Variants in SRGAP3 observed in about 807,000 individuals in gnomAD.
SRGAP3 encodes SLIT-ROBO Rho GTPase activating protein 3, also known as SLIT-ROBO Rho GTPase-activating protein 3.
A neutral mutation model predicts 121.1 loss-of-function variants in SRGAP3; 39 were observed. That is an observed-to-expected ratio of 0.32 (90% CI 0.25 to 0.42). The LOEUF is 0.42. Among genes scored for constraint, SRGAP3 ranks in the 10% least tolerant of loss-of-function variants. SRGAP3 has a pLI of 1.00. For missense variants in SRGAP3, 1,213 were observed against 1,470.6 expected, an observed-to-expected ratio of 0.82 and a Z score of 2.86; for synonymous variants, 601 against 570.0, an observed-to-expected ratio of 1.05 and a Z score of -0.77.
At chr3:9,274,861 G>A (rs191759843) in intron 3 of SRGAP3, among the ~76,000 whole-genome samples, 1 of 152,258 alleles carries the variant, frequency 6.6e-6, no homozygotes, top group Admixed American at 6.5e-5. Context: ...TCTCTCCAAT[G>A]TCCAGCCATA....
chr3:9,031,693 A>G (rs1944490460), intron 12 of SRGAP3, among the ~76,000 whole-genome samples: 1 of 152,214 alleles, frequency 6.6e-6, no homozygotes, highest in South Asian at 2.1e-4. Context: ...TCTGAGGATC[A>G]CAAGTAGACA....
At chr3:9,038,489 C>T (rs1944874991) in intron 10 of SRGAP3, among the ~76,000 whole-genome samples, 1 of 152,216 alleles carries the variant, frequency 6.6e-6, no homozygotes, top group Non-Finnish European at 1.5e-5. Flanking sequence ...GTGATCACTT[C>T]TATGCCTCCC....
At chr3:9,244,162 G>C (rs1953744583) in intron 1 of SRGAP3, among the ~76,000 whole-genome samples, 1 of 152,100 alleles carries the variant, frequency 6.6e-6, no homozygotes, top group Admixed American at 6.5e-5. Flanking sequence ...GTTCGTTCTG[G>C]CTCTCGAAGT....
At chr3:9,124,360 G>C (rs1029423600) in intron 2 of SRGAP3, among the ~76,000 whole-genome samples, 1 of 152,218 alleles carries the variant, frequency 6.6e-6, no homozygotes, top group Non-Finnish European at 1.5e-5. Flanking sequence ...GATCGGGACA[G>C]GATGTCCTGA....
chr3:9,091,259 GTC>G (rs1406286050), intron 3 of SRGAP3, among the ~76,000 whole-genome samples: 1 of 151,886 alleles, frequency 6.6e-6, no homozygotes, highest in Non-Finnish European at 1.5e-5. Flanking sequence ...CCAGCCCCCT[GTC>G]TCTCTTTTCT....
chr3:9,104,719 G>A lies in SRGAP3; in HGVS notation c.384C>T (p.Leu128=), dbSNP rs772766152. 2.5e-6 allele frequency: 4 copies of A among 1,614,146 alleles called. No homozygotes were observed. The highest frequency in any genetic ancestry group is 3.4e-6 in the Non-Finnish European group (4 of 1,180,062). Residue 128 remains leucine (L), a synonymous_variant, in exon 3 of 22, where the codon CTC becomes CTT. Transcript: ENST00000383836. ...TGATGACATCCTCACTGATCTGGGA[G>A]AGGCGGACGATGACATTGTTCATGA... ...DIFMNNVIVR[L]SQISEDVIRL...
intron 1 of SRGAP3, among the ~76,000 whole-genome samples, chr3:9,172,093 CTTTTTTTTTT>C: frequency 1.1e-5 from 1 of 90,196 alleles, no homozygotes; most frequent in South Asian, 3.7e-4. Flanking sequence ...TTTTTCTTTT[CTTTTTTTTTT>C]TTTTTTTTGA....
intron 3 of SRGAP3, among the ~76,000 whole-genome samples, chr3:9,291,497 T>C (rs1954868343): frequency 6.6e-6 from 1 of 152,116 alleles, no homozygotes; most frequent in Non-Finnish European, 1.5e-5. Context: ...ACTTTTTTCC[T>C]TGCTCTTGTA....
At position 9,058,350 on chromosome 3, in the gene SRGAP3, G is replaced by A. The variant is rs573280786; in HGVS notation, c.924C>T (p.Asn308=). 63 of 1,614,240 alleles carry A rather than the reference G, an allele frequency of 3.9e-5. No homozygotes were observed. The Middle Eastern group carries it at 6.6e-4, about 17-fold the overall frequency. ...TGTGCTTGTCACTTCGGGAATCCAG[G>A]TTGTCCACTGCATTCTCAATGACAT... is the stretch of plus-strand genomic sequence containing the variant. ...GLDVIENAVD[N]LDSRSDKHTV... Residue 308 remains asparagine (N), a synonymous_variant, in exon 7 of 22, where the codon AAC becomes AAT. Coordinates refer to ENST00000383836, the MANE Select transcript of SRGAP3 (RefSeq NM_014850.4).
Position 9,009,791 on chromosome 3 carries a change from G to A in SRGAP3, c.2227+517C>T, listed in dbSNP as rs73813249. Among the ~76,000 whole-genome samples, 621 of 152,208 alleles carry A rather than the reference G, an allele frequency of 4.1e-3. 6 individuals carry two copies. The highest frequency in any genetic ancestry group is 0.015 in the African/African-American group (604 of 41,520). ...TCATCACCCTTTGATTTCATCTCCAGGGTGCCCAATGCACCAGACACACCT... is the reference window on the plus strand; with the variant it reads ...TCATCACCCTTTGATTTCATCTCCAAGGTGCCCAATGCACCAGACACACCT... On this transcript the variant is annotated intron_variant, in intron 18 of 21. Coordinates refer to ENST00000383836, the MANE Select transcript of SRGAP3 (RefSeq NM_014850.4).
At chr3:9,306,115 T>A (rs888868169) in intron 3 of SRGAP3, among the ~76,000 whole-genome samples, 1 of 152,266 alleles carries the variant, frequency 6.6e-6, no homozygotes, top group Non-Finnish European at 1.5e-5. Flanking sequence ...CCAAATGGCG[T>A]GAGATGGCAT....
rs376753283 is a variant in SRGAP3 at position 8,990,646 on chromosome 3, C to A, written c.2752G>T (p.Gly918Trp). Residue 918 changes from glycine to tryptophan, a missense_variant, in exon 21 of 22, where the codon GGG becomes TGG. Physicochemically the swap from Gly to Trp is radical, Grantham distance 184. Coordinates refer to ENST00000383836, the MANE Select transcript of SRGAP3 (RefSeq NM_014850.4). Reference protein sequence around the residue: ...SPEKRRMATFGSAGSINYPDK... With the variant: ...SPEKRRMATFWSAGSINYPDK... The stretch of plus-strand genomic sequence containing the variant: ...GGGTAGTTGATGCTGCCAGCGCTCC[C>A]GAACGTCGCCATCCTCCGCTTCTCA... The A allele has an allele frequency of 1.9e-6, 3 of 1,613,468 alleles. No homozygotes were observed. The highest frequency in any genetic ancestry group is 2.5e-6 in the Non-Finnish European group (3 of 1,179,928).
chr3:9,072,175 C>T (rs1476147943), intron 4 of SRGAP3, among the ~76,000 whole-genome samples: 2 of 152,208 alleles, frequency 1.3e-5, no homozygotes, highest in East Asian at 3.9e-4. Flanking sequence ...TGGGCGGAGG[C>T]TCCCTCCAGC....
intron 3 of SRGAP3, among the ~76,000 whole-genome samples, chr3:9,314,989 T>C (rs549283082): frequency 6.6e-6 from 1 of 152,284 alleles, no homozygotes; most frequent in South Asian, 2.1e-4. Flanking sequence ...CCTCTTCCAT[T>C]GAAAGTAACA....
intron 10 of SRGAP3, among the ~76,000 whole-genome samples, chr3:9,043,494 G>A (rs1945116516): frequency 6.6e-6 from 1 of 152,062 alleles, no homozygotes. Context: ...AAGGTTTTAG[G>A]ATGTGGAGTG....
intron 3 of SRGAP3, among the ~76,000 whole-genome samples, chr3:9,297,819 C>T (rs1050901267): frequency 2.6e-5 from 4 of 152,090 alleles, no homozygotes; most frequent in African/African-American, 9.6e-5. Flanking sequence ...TCGCTAGAAC[C>T]CAGGAGGCAG....
rs748513215 is a variant in SRGAP3, at chr3:9,013,748, A to T, written c.1908T>A (p.Ala636=). The T allele has an allele frequency of 3.3e-5, 54 of 1,614,214 alleles. No homozygotes were observed. The highest frequency in any genetic ancestry group is 2.1e-4 in the South Asian group (19 of 91,080). Residue 636 remains alanine (A), a synonymous_variant, in exon 16 of 22, where the codon GCT becomes GCA. Coordinates refer to ENST00000383836, the MANE Select transcript of SRGAP3 (RefSeq NM_014850.4). ...VVIVVMRYLF[A]FLNHLSQYSD... ...GGCCAGACACTCACTGGTTGAGGAA[A>T]GCGAAGAGGTATCTCATGACCACAA... is the stretch of plus-strand genomic sequence containing the variant.
chr3:9,359,440 T>C (rs926274417), intron 1 of SRGAP3, among the ~76,000 whole-genome samples: 2 of 152,218 alleles, frequency 1.3e-5, no homozygotes, highest in Admixed American at 6.5e-5. Context: ...GAAGACTTCA[T>C]TGGTTGCTCA....
chr3:9,014,092 AC>A (rs112362232), intron 15 of SRGAP3: 1 of 539,254 alleles, frequency 1.9e-6, no homozygotes. Context: ...GTTGTGAGAA[AC>A]CCACAGGGAG....
Sources: allele counts gnomAD v4.1 joint callset (sites outside exome capture counted in the v4.1 genomes callset), GRCh38; gene constraint gnomAD v4.1.1; transcripts MANE v1.5; gene names NCBI Gene and HGNC (gene_info 2026-07-23, HGNC 2026-07-21).